Variants in CFLAR observed in about 807,000 individuals in gnomAD.
CFLAR encodes the protein CASP8 and FADD-like apoptosis regulator.
Under a neutral mutation model 51.1 loss-of-function variants are expected in CFLAR, and 14 were observed. The ratio of observed to expected loss-of-function variants is 0.27; its 90% CI spans 0.18 to 0.43. The LOEUF (loss-of-function observed/expected upper bound fraction) is 0.43. Ranked by LOEUF, CFLAR falls within the 20% of genes least tolerant of loss-of-function variation. The probability of loss-of-function intolerance (pLI) is 1.00; values close to 1 mark genes in which losing one functional copy is unlikely to be tolerated. For missense variants in CFLAR, 390 were observed against 566.5 expected (o/e 0.69, Z 3.16); for synonymous variants, 210 against 211.6 (o/e 0.99, Z 0.06).
intron 3 of CFLAR, 118 bp from the exon 4 acceptor site, chr2:201,135,852 CTT>C: frequency 7.1e-7 from 1 of 1,399,264 alleles, no homozygotes; most frequent in Non-Finnish European, 9.7e-7. Flanking sequence ...GTCTCAAACT[CTT>C]GGGCTCAAGC....
chr2:201,145,709 C>G (rs1023330359), intron 6 of CFLAR: 4 of 343,012 alleles, frequency 1.2e-5, no homozygotes, highest in African/African-American at 8.4e-5. Context: ...GAATGGAGCT[C>G]TAATCAGGCC....
At chr2:201,119,839 GTTT>G (rs35011582) in intron 1 of CFLAR, among the ~76,000 whole-genome samples, 2 of 120,810 alleles carry the variant, frequency 1.7e-5, no homozygotes, top group Non-Finnish European at 3.6e-5. Flanking sequence ...TCAGTTTAAT[GTTT>G]TTTTTTTTTT....
rs531951199 is a variant in CFLAR at position 201,166,013 on chromosome 2, C to G, written c.*2040C>G. 31 of 198,036 alleles carry G rather than the reference C, an allele frequency of 1.6e-4. No individual in the cohort carries two copies. The highest frequency in any genetic ancestry group is 7.4e-4 in the African/African-American group (31 of 42,114). The allele number at this position is 198,036 out of a possible 1,614,324, so 12.3% of individuals were successfully genotyped here. ...CAGACACAGCAACAATCTGATTTCTCTATCTTTTCCCCACCTTTCCCCCTT... is the reference window on the plus strand; with the variant it reads ...CAGACACAGCAACAATCTGATTTCTGTATCTTTTCCCCACCTTTCCCCCTT... On this transcript the variant is annotated 3_prime_UTR_variant, in exon 10 of 10. Transcript: ENST00000309955.
chr2:201,118,280 G>A lies in CFLAR; in HGVS notation c.-138+1799G>A, dbSNP rs566067094. On this transcript the variant is annotated intron_variant, in intron 1 of 9. Transcript: ENST00000309955. This position sits in a 1 kb window ranked among gnomAD's most constrained non-coding sequence, Gnocchi z 5.1. ...ACGGTATTACTTGCTTCCTTATACC[G>A]GTTTCCAAGGTGAAGCCATTTGCAG... 2.6e-5 allele frequency among the ~76,000 whole-genome samples: 4 copies of A among 152,264 alleles called. No individual in the cohort carries two copies. Among genetic ancestry groups the A allele is most frequent in the African/African-American group, 9.6e-5 (4 of 41,532 alleles).
intron 1 of CFLAR, chr2:201,129,508 T>C: frequency 2.6e-6 from 1 of 391,076 alleles, no homozygotes; most frequent in East Asian, 3.7e-5. Flanking sequence ...TGTTGTTTCA[T>C]TTCCTTTACA....
intron 4 of CFLAR, chr2:201,139,009 AAAAG>A (rs1937640029): frequency 4.0e-5 from 20 of 495,788 alleles, no homozygotes; most frequent in South Asian, 2.1e-4. Flanking sequence ...CGGTGTGGGG[AAAAG>A]AAAGAGAGAT....
chr2:201,157,313 G>A (rs893387809), intron 8 of CFLAR, among the ~76,000 whole-genome samples: 1 of 152,008 alleles, frequency 6.6e-6, no homozygotes, highest in African/African-American at 2.4e-5. Flanking sequence ...GCCAATTTTT[G>A]TATTTTTGGT....
In CFLAR at chr2:201,171,221, T is replaced by A. The variant is rs1943988132; in HGVS notation, c.*7248T>A. On this transcript the variant is annotated 3_prime_UTR_variant, in exon 10 of 10. Transcript: ENST00000309955. ...CAGTGTATACTGCTCAGGTGATGGG[T>A]GCACCAGAATCTCACAAGTAACCAC... The A allele has an allele frequency of 6.6e-6, 1 of 152,068 alleles. No homozygotes were observed. The highest frequency in any genetic ancestry group is 1.5e-5 in the Non-Finnish European group (1 of 68,018). 9.4% of individuals were successfully genotyped at this position (152,068 alleles called of 1,614,324 possible). A position where few individuals can be genotyped will look rare whatever the true frequency, so the allele number is the denominator to read the frequency against.
At chr2:201,156,959 C>T (rs1344465810) in intron 8 of CFLAR, among the ~76,000 whole-genome samples, 1 of 152,108 alleles carries the variant, frequency 6.6e-6, no homozygotes, top group Non-Finnish European at 1.5e-5. Flanking sequence ...CTGCTCTGAG[C>T]CCATTTTAGT....
Position 201,121,611 on chromosome 2 carries a change from A to G in CFLAR, c.-138+5130A>G, listed in dbSNP as rs191890327. Among the ~76,000 whole-genome samples, 12 of 152,352 alleles carry G rather than the reference A, an allele frequency of 7.9e-5. No homozygotes were observed. In the East Asian group the frequency reaches 2.3e-3, roughly 29 times the overall value. ...TTACAGAAAATGAATGCTATATAAA[A>G]GTAATTTTAAGAACTTTATATATCC... On this transcript the variant is annotated intron_variant, in intron 1 of 9. Transcript: ENST00000309955.
At chr2:201,117,186 C>T (rs1200206878) in intron 1 of CFLAR, 1 of 152,120 alleles carries the variant, frequency 6.6e-6, no homozygotes, top group Non-Finnish European at 1.5e-5. Context: ...TCTATTTTGC[C>T]CAAGTGCAAG....
intron 1 of CFLAR, among the ~76,000 whole-genome samples, chr2:201,121,653 T>C (rs1204119645): frequency 1.3e-5 from 2 of 152,348 alleles, no homozygotes; most frequent in East Asian, 3.9e-4. Context: ...TTATGTACAA[T>C]TTCTGACTTT....
chr2:201,155,628 T>G (rs533529975), intron 8 of CFLAR, among the ~76,000 whole-genome samples: 2 of 152,020 alleles, frequency 1.3e-5, no homozygotes, highest in Non-Finnish European at 2.9e-5. Flanking sequence ...TTCTGTACTT[T>G]CCTTTTCTTT....
At chr2:201,140,044 G>A (rs1938222085) in intron 4 of CFLAR, 1 of 306,464 alleles carries the variant, frequency 3.3e-6, no homozygotes, top group Non-Finnish European at 6.6e-6. Flanking sequence ...GCGAGACCCC[G>A]CGACCCGACA....
chr2:201,135,243 T>A (rs2049942450), intron 3 of CFLAR, among the ~76,000 whole-genome samples: 1 of 152,236 alleles, frequency 6.6e-6, no homozygotes, highest in African/African-American at 2.4e-5. Flanking sequence ...TTTAAAACTA[T>A]AACATGTGAT....
chr2:201,150,516 G>A (rs1941103071), intron 8 of CFLAR: 1 of 152,078 alleles, frequency 6.6e-6, no homozygotes, highest in African/African-American at 2.4e-5. Context: ...AAAAAAAAAT[G>A]AATATGTGTT....
chr2:201,147,434 CAGG>C (rs1940424315), intron 6 of CFLAR, among the ~76,000 whole-genome samples: 1 of 152,222 alleles, frequency 6.6e-6, no homozygotes, highest in South Asian at 2.1e-4. Flanking sequence ...GAGGCTGAGG[CAGG>C]AGAATTGCTT....
At chr2:201,151,615 T>G (rs1941293493) in intron 8 of CFLAR, among the ~76,000 whole-genome samples, 1 of 152,140 alleles carries the variant, frequency 6.6e-6, no homozygotes. Context: ...TCTTAATGAG[T>G]CACTTCCTGT....
At chr2:201,126,175 C>T (rs1214671577) in intron 1 of CFLAR, among the ~76,000 whole-genome samples, 2 of 151,190 alleles carry the variant, frequency 1.3e-5, no homozygotes, top group South Asian at 4.2e-4. Flanking sequence ...TTCTTTTATA[C>T]TTTGGTTTAG....
Sources: allele counts gnomAD v4.1 joint callset (sites outside exome capture counted in the v4.1 genomes callset), GRCh38; gene constraint gnomAD v4.1.1; non-coding constraint Gnocchi (gnomAD v3.1); transcripts MANE v1.5; gene names NCBI Gene and HGNC (gene_info 2026-07-23, HGNC 2026-07-21).